PRICKLE2: variants seen among roughly 807,000 people sequenced by gnomAD.
PRICKLE2 encodes prickle-like protein 2.
In PRICKLE2, 21 loss-of-function variants were observed where a neutral mutation model predicts 81.4. The ratio of observed to expected loss-of-function variants is 0.26; its 90% CI spans 0.18 to 0.37. The LOEUF (loss-of-function observed/expected upper bound fraction) is 0.37. Among genes scored for constraint, PRICKLE2 ranks in the 10% least tolerant of loss-of-function variants. The pLI is 1.00. For synonymous variants in PRICKLE2, 456 were observed against 421.5 expected, an observed-to-expected ratio of 1.08 and a Z score of -1.00; for missense variants, 940 against 1,109.0, an observed-to-expected ratio of 0.85 and a Z score of 2.16.
rs1322703715 is a variant in PRICKLE2 at position 64,147,260 on chromosome 3, G to A, written c.1230C>T (p.Asn410=). The A allele has an allele frequency of 1.2e-6, 2 of 1,610,934 alleles. No individual in the cohort carries two copies. Among genetic ancestry groups the A allele is most frequent in the Non-Finnish European group, 1.7e-6 (2 of 1,177,860 alleles). The part of the protein sequence containing the change: ...PYHYGNKMEQ[N]QTQSPLQLLS... ...GGAGCTGCAGAGGGCTCTGGGTCTG[G>A]TTCTGCTCCATCTTGTTCCCATAAT... Residue 410 remains asparagine (N), a synonymous_variant, in exon 7 of 8, where the codon AAC becomes AAT. Coordinates refer to ENST00000638394, the MANE Select transcript of PRICKLE2 (RefSeq NM_198859.4). The surrounding 1 kb of genome is among the most constrained non-coding windows in gnomAD (Gnocchi z 5.0).
At chr3:64,259,871 T>G (rs1358054574) in intron 2 of PRICKLE2, among the ~76,000 whole-genome samples, 2 of 152,162 alleles carry the variant, frequency 1.3e-5, no homozygotes, top group African/African-American at 4.8e-5. Flanking sequence ...CTTTCAAACT[T>G]CTGGCTTCCA....
At chr3:64,135,694 TCACA>T (rs9311884) in intron 7 of PRICKLE2, among the ~76,000 whole-genome samples, 94,628 of 149,520 alleles carry the variant, frequency 0.63, 31,160 homozygotes, top group East Asian at 0.84. Context: ...CGATCACAGA[TCACA>T]CACACACACA....
In PRICKLE2 at chr3:64,253,603, T is replaced by C. The variant is rs189140453; in HGVS notation, c.129-54636A>G. On this transcript the variant is annotated intron_variant, in intron 2 of 8. Transcript: ENST00000295902. ...CTTTGACCGGCTCAAGACCTTATAC[T>C]GGTAGAATACCTTCGACATGCCTTA... Among the ~76,000 whole-genome samples the C allele has an allele frequency of 1.7e-4, 26 of 152,350 alleles. 1 individual carries two copies. The highest frequency in any genetic ancestry group is 1.5e-3 in the Admixed American group (23 of 15,304).
At chr3:64,173,549 A>G (rs1471637764) in intron 2 of PRICKLE2, among the ~76,000 whole-genome samples, 1 of 152,168 alleles carries the variant, frequency 6.6e-6, no homozygotes, top group African/African-American at 2.4e-5. Context: ...ATTCCTGAAA[A>G]CTGACCAATT....
upstream of PRICKLE2, chr3:64,225,530 TC>T: frequency 1.3e-6 from 1 of 797,586 alleles, no homozygotes; most frequent in Non-Finnish European, 1.5e-6. Context: ...CATCTGGACG[TC>T]CCATCCTGCT....
In PRICKLE2 at chr3:64,146,982, T is replaced by C. The variant is rs1290557931; in HGVS notation, c.1508A>G (p.Tyr503Cys). ...CCCTTCCTCTTCCTCTTCCTCCTCA[T>C]ATTTGGGGACTTGGATGCTGCCTCG... Reference protein sequence around the residue: ...ETRGSIQVPKYEEEEEEEGGL... With the variant: ...ETRGSIQVPKCEEEEEEEGGL... Residue 503 changes from tyrosine (Y) to cysteine (C), a missense_variant, in exon 7 of 8, where the codon TAT becomes TGT. This residue lies in a region of PRICKLE2 where 670 missense variants were observed against 717.2 expected (regional missense o/e 0.93). Coordinates refer to ENST00000638394, the MANE Select transcript of PRICKLE2 (RefSeq NM_198859.4). 6.2e-7 allele frequency: 1 copy of C among 1,614,108 alleles called. No homozygotes were observed. Among genetic ancestry groups the C allele is most frequent in the Non-Finnish European group, 8.5e-7 (1 of 1,180,026 alleles).
intron 7 of PRICKLE2, among the ~76,000 whole-genome samples, chr3:64,114,992 A>G (rs1018149015): frequency 6.6e-6 from 1 of 152,256 alleles, no homozygotes; most frequent in Non-Finnish European, 1.5e-5. Flanking sequence ...TCAGACTGAC[A>G]GCAGACTTCT....
At chr3:64,258,905 G>A (rs1486624163) in intron 2 of PRICKLE2, among the ~76,000 whole-genome samples, 1 of 148,382 alleles carries the variant, frequency 6.7e-6, no homozygotes, top group African/African-American at 2.6e-5. Context: ...AATCAGGAGA[G>A]TGGTTAGAAT....
chr3:64,227,257 G>A (rs1437850902), upstream of PRICKLE2, among the ~76,000 whole-genome samples: 1 of 152,174 alleles, frequency 6.6e-6, no homozygotes, highest in African/African-American at 2.4e-5. Flanking sequence ...CTCAGAGCGT[G>A]TAGGGAGGCA....
At chr3:64,148,711 C>G (rs973423928) in intron 6 of PRICKLE2, among the ~76,000 whole-genome samples, 1 of 152,184 alleles carries the variant, frequency 6.6e-6, no homozygotes, top group Non-Finnish European at 1.5e-5. Flanking sequence ...GCCCTTATAA[C>G]AGAGGCCCAA....
chr3:64,132,079 C>T (rs1021292915), intron 7 of PRICKLE2, among the ~76,000 whole-genome samples: 1 of 152,228 alleles, frequency 6.6e-6, no homozygotes, highest in African/African-American at 2.4e-5. Context: ...AACCTTCTTC[C>T]TTGCCAATTC....
chr3:64,165,989 TG>T (rs1451900455), intron 2 of PRICKLE2, among the ~76,000 whole-genome samples: 9 of 150,856 alleles, frequency 6.0e-5, no homozygotes, highest in African/African-American at 1.7e-4. Flanking sequence ...TGTGTGTGTG[TG>T]TGTGTGTGTG....
chr3:64,250,967 C>A (rs1324169504), intron 2 of PRICKLE2, among the ~76,000 whole-genome samples: 1 of 152,196 alleles, frequency 6.6e-6, no homozygotes, highest in Non-Finnish European at 1.5e-5. Flanking sequence ...CCAACCCCAG[C>A]AACATAGTAG....
chr3:64,119,047 AG>A (rs1559519765), intron 7 of PRICKLE2, among the ~76,000 whole-genome samples: 1 of 152,212 alleles, frequency 6.6e-6, no homozygotes, highest in African/African-American at 2.4e-5. Flanking sequence ...GCCATAAAAA[AG>A]AATGAGATCA....
intron 2 of PRICKLE2, among the ~76,000 whole-genome samples, chr3:64,183,530 G>GA (rs987261533): frequency 6.6e-6 from 1 of 151,856 alleles, no homozygotes; most frequent in African/African-American, 2.4e-5. Flanking sequence ...GAAATCTAAG[G>GA]AAAAACAAAT....
In PRICKLE2 at chr3:64,207,571, T is replaced by A. The variant is rs566338319; in HGVS notation, c.-40-8604A>T. Among the ~76,000 whole-genome samples the A allele has an allele frequency of 2.6e-5, 4 of 152,220 alleles. No homozygotes were observed. In the South Asian group the frequency reaches 6.2e-4, roughly 24 times the overall value. ...ACACAACACTCTCAGCAAATAGATG[T>A]GCATTATTCAATCCAGATAAGCGGG... On this transcript the variant is annotated intron_variant, in intron 1 of 7. Transcript: ENST00000638394.
intron 2 of PRICKLE2, among the ~76,000 whole-genome samples, chr3:64,176,732 G>C (rs1374343869): frequency 6.6e-6 from 1 of 152,188 alleles, no homozygotes; most frequent in Non-Finnish European, 1.5e-5. Context: ...CAGAAAATAT[G>C]AAAATGAAGG....
chr3:64,202,441 T>C (rs1342016463), intron 1 of PRICKLE2, among the ~76,000 whole-genome samples: 2 of 152,200 alleles, frequency 1.3e-5, no homozygotes, highest in East Asian at 3.9e-4. Flanking sequence ...TTATATTTTG[T>C]GGTTTTTAGG....
intron 2 of PRICKLE2, chr3:64,190,351 A>C (rs2078310028): frequency 6.6e-6 from 1 of 152,170 alleles, no homozygotes. Context: ...GACACATGTA[A>C]GAGTTTTCTA....
Sources: allele counts gnomAD v4.1 joint callset (sites outside exome capture counted in the v4.1 genomes callset), GRCh38; gene constraint gnomAD v4.1.1; regional missense constraint gnomAD v4.1.1; non-coding constraint Gnocchi (gnomAD v3.1); transcripts MANE v1.5; gene names NCBI Gene and HGNC (gene_info 2026-07-23, HGNC 2026-07-21).